Variants in GTF2E2 observed in about 807,000 individuals in gnomAD.
The protein encoded by GTF2E2 is transcription initiation factor IIE subunit beta.
In GTF2E2, 21 loss-of-function variants were observed where a neutral mutation model predicts 40.5. The ratio of observed to expected loss-of-function variants is 0.52; its 90% CI spans 0.37 to 0.75. The LOEUF (loss-of-function observed/expected upper bound fraction) is 0.75. Ranked by LOEUF, GTF2E2 falls within the 30% of genes least tolerant of loss-of-function variation. GTF2E2 has a pLI of 0.00. For synonymous variants in GTF2E2, 117 were observed against 121.6 expected (o/e 0.96, Z 0.25); for missense variants, 298 against 338.4 (o/e 0.88, Z 0.94).
rs377260630 is a variant in GTF2E2 at position 30,621,469 on chromosome 8, T to C, written c.259-6754A>G. Among the ~76,000 whole-genome samples the C allele has an allele frequency of 1.3e-4, 20 of 152,182 alleles. 2 individuals are homozygous for C. The highest frequency in any genetic ancestry group is 4.3e-4 in the African/African-American group (18 of 41,464). On this transcript the variant is annotated intron_variant, in intron 3 of 7. Coordinates refer to ENST00000355904, the MANE Select transcript of GTF2E2 (RefSeq NM_002095.6). ...AGAGAAACTGAAAATCCCTTCCTCATAGATCAGGAATTAAAAAGAAAAATG... is the reference window on the plus strand; with the variant it reads ...AGAGAAACTGAAAATCCCTTCCTCACAGATCAGGAATTAAAAAGAAAAATG...
intron 3 of GTF2E2, among the ~76,000 whole-genome samples, chr8:30,630,314 C>T (rs77973111): frequency 0.013 from 1,981 of 152,252 alleles, 13 homozygotes; most frequent in Middle Eastern, 0.02. Flanking sequence ...CTGTATCTGC[C>T]TTTCATCTTT....
chr8:30,631,190 T>C lies in GTF2E2; in HGVS notation c.258+3842A>G, dbSNP rs533527796. ...CATGTGCCAACACACCTGGTTAATT[T>C]CTTTTTGTATTTTTAGTAGAGACGG... On this transcript the variant is annotated intron_variant, in intron 3 of 7. Coordinates refer to ENST00000355904, the MANE Select transcript of GTF2E2 (RefSeq NM_002095.6). Among the ~76,000 whole-genome samples, 7 of 152,172 alleles carry C rather than the reference T, an allele frequency of 4.6e-5. No individual in the cohort carries two copies. The East Asian group carries it at 1.2e-3, about 25-fold the overall frequency.
In GTF2E2 at chr8:30,593,485, C is replaced by A. The variant is rs549458835; in HGVS notation, c.644-13089G>T. On this transcript the variant is annotated intron_variant, in intron 6 of 7. Transcript: ENST00000355904. ...ACTCTTGGAGAATTGATACTTTTAC[C>A]ATTATGTAACGTCCTTTTTCTTTTT... 3.3e-5 allele frequency among the ~76,000 whole-genome samples: 5 copies of A among 152,212 alleles called. No homozygotes were observed. The South Asian group carries it at 1.0e-3, about 32-fold the overall frequency.
At chr8:30,587,848 G>A (rs2151109653) in intron 6 of GTF2E2, among the ~76,000 whole-genome samples, 1 of 143,356 alleles carries the variant, frequency 7.0e-6, no homozygotes, top group East Asian at 2.0e-4. Flanking sequence ...CTCCAGCCTG[G>A]GCAACAGAGC....
chr8:30,648,711 T>C (rs1377207416), intron 2 of GTF2E2, among the ~76,000 whole-genome samples: 3 of 152,216 alleles, frequency 2.0e-5, no homozygotes, highest in African/African-American at 7.2e-5. Flanking sequence ...TCACAAACAT[T>C]TGAGCTTCCA....
chr8:30,592,865 G>A (rs1251995921), intron 6 of GTF2E2, among the ~76,000 whole-genome samples: 2 of 152,188 alleles, frequency 1.3e-5, no homozygotes, highest in Non-Finnish European at 2.9e-5. Context: ...TTGTGGGCCA[G>A]AATACCATCC....
chr8:30,657,233 C>G (rs1044793527), intron 1 of GTF2E2, among the ~76,000 whole-genome samples: 6 of 152,194 alleles, frequency 3.9e-5, no homozygotes, highest in African/African-American at 1.2e-4. Flanking sequence ...AGTAAACAGG[C>G]TACATCACCA....
In GTF2E2 at chr8:30,598,251, C is replaced by T. The variant is rs534248672; in HGVS notation, c.643+8806G>A. Reference sequence around the variant, plus strand: ...CTGCAAAATTTCAGTTCCTTGAAAACAGAAATTTCTTTGCCTTTCTACCTG... The same window carrying T: ...CTGCAAAATTTCAGTTCCTTGAAAATAGAAATTTCTTTGCCTTTCTACCTG... On this transcript the variant is annotated intron_variant, in intron 6 of 7. Coordinates refer to ENST00000355904, the MANE Select transcript of GTF2E2 (RefSeq NM_002095.6). 1.3e-3 allele frequency among the ~76,000 whole-genome samples: 199 copies of T among 152,284 alleles called. 2 individuals are homozygous for T. The highest frequency in any genetic ancestry group is 0.012 in the South Asian group (59 of 4,830).
chr8:30,585,841 T>C (rs1828666840), intron 6 of GTF2E2, among the ~76,000 whole-genome samples: 1 of 143,490 alleles, frequency 7.0e-6, no homozygotes, highest in African/African-American at 2.6e-5. Flanking sequence ...TTCCAGAGCT[T>C]AGGGAGATGG....
chr8:30,584,855 T>C (rs1467813471), intron 6 of GTF2E2: 1 of 152,170 alleles, frequency 6.6e-6, no homozygotes, highest in African/African-American at 2.4e-5. Flanking sequence ...AACATCTTAA[T>C]TTTTCTGCCT....
chr8:30,581,818 T>G (rs2151105167), intron 6 of GTF2E2, among the ~76,000 whole-genome samples: 1 of 152,160 alleles, frequency 6.6e-6, no homozygotes, highest in South Asian at 2.1e-4. Flanking sequence ...GTCGGCGTAT[T>G]TCCATCTCGT....
intron 2 of GTF2E2, among the ~76,000 whole-genome samples, chr8:30,639,304 AAAGT>A (rs1801726455): frequency 6.6e-6 from 1 of 152,200 alleles, no homozygotes; most frequent in Admixed American, 6.5e-5. Context: ...ACATTTAATT[AAAGT>A]ATTTCTTCAC....
chr8:30,641,626 A>G (rs538584887), intron 2 of GTF2E2, among the ~76,000 whole-genome samples: 1 of 152,302 alleles, frequency 6.6e-6, no homozygotes, highest in South Asian at 2.1e-4. Flanking sequence ...CCGTAATCCC[A>G]GCACTTTTGG....
intron 6 of GTF2E2, among the ~76,000 whole-genome samples, chr8:30,600,836 A>T (rs1194128075): frequency 6.6e-6 from 1 of 152,242 alleles, no homozygotes; most frequent in Non-Finnish European, 1.5e-5. Context: ...TTCTCATTTT[A>T]GGACAAGTGC....
At chr8:30,600,918 G>A (rs1829160118) in intron 6 of GTF2E2, among the ~76,000 whole-genome samples, 1 of 152,188 alleles carries the variant, frequency 6.6e-6, no homozygotes, top group Non-Finnish European at 1.5e-5. Flanking sequence ...GGCTAAGGTT[G>A]CCACCTAGTG....
Position 30,607,100 on chromosome 8 carries a change from T to C in GTF2E2, c.600A>G (p.Ile200Met). 1 of 1,494,186 alleles carries C rather than the reference T, an allele frequency of 6.7e-7. No homozygotes were observed. The highest frequency in any genetic ancestry group is 9.2e-7 in the Non-Finnish European group (1 of 1,082,710). 92.6% of individuals were successfully genotyped at this position (1,494,186 alleles called of 1,614,324 possible). ...LFVNRPDKKK[I>M]LFFNDKSCQF... Reference sequence around the variant, plus strand: ...GACAGCTCTTATCATTGAAGAAAAGTATTTTCTTCTTATCGGGACGATTTA... The same window carrying C: ...GACAGCTCTTATCATTGAAGAAAAGCATTTTCTTCTTATCGGGACGATTTA... Residue 200 changes from isoleucine (I) to methionine (M), a missense_variant, in exon 6 of 8, where the codon ATA becomes ATG. By Grantham distance (10) the Ile-to-Met change is conservative (BLOSUM62 1). Transcript: ENST00000355904.
intron 2 of GTF2E2, among the ~76,000 whole-genome samples, chr8:30,650,559 A>G (rs1802238517): frequency 6.6e-6 from 1 of 151,530 alleles, no homozygotes; most frequent in African/African-American, 2.4e-5. Flanking sequence ...TAATTAGCCA[A>G]ATGTGGTGGG....
intron 6 of GTF2E2, among the ~76,000 whole-genome samples, chr8:30,598,380 A>G (rs1829074981): frequency 6.6e-6 from 1 of 152,248 alleles, no homozygotes; most frequent in Non-Finnish European, 1.5e-5. Flanking sequence ...GCTGATCTGT[A>G]TATTACTGTA....
chr8:30,585,465 A>G (rs960452326), intron 6 of GTF2E2, among the ~76,000 whole-genome samples: 2 of 152,232 alleles, frequency 1.3e-5, no homozygotes, highest in East Asian at 3.8e-4. Flanking sequence ...AAAATTTCTT[A>G]AAAAGCAAAA....
Sources: gnomAD v4.1 joint callset for allele counts (sites outside exome capture counted in the v4.1 genomes callset) on GRCh38, gnomAD v4.1.1 for gene constraint, MANE v1.5 for transcripts, NCBI Gene and HGNC (gene_info 2026-07-23, HGNC 2026-07-21) for gene names.